The following TBC1D5 variants were observed in gnomAD, a reference collection of about 807,000 sequenced individuals.
TBC1D5 encodes the protein TBC1 domain family member 5.
A neutral mutation model predicts 100.3 loss-of-function variants in TBC1D5; 75 were observed. The ratio of observed to expected loss-of-function variants is 0.75; its 90% CI spans 0.62 to 0.91. The LOEUF is 0.91. Ranked by LOEUF, TBC1D5 falls within the 40% of genes least tolerant of loss-of-function variation. TBC1D5 has a pLI of 0.00. For synonymous variants in TBC1D5, 323 were observed against 325.6 expected (o/e 0.99, Z 0.09); for missense variants, 910 against 942.4 (o/e 0.97, Z 0.45).
At chr3:17,586,648 AAAC>A (rs1332413870) in intron 2 of TBC1D5, 5 of 152,280 alleles carry the variant, frequency 3.3e-5, no homozygotes, top group African/African-American at 1.2e-4. Context: ...ATATCATATC[AAAC>A]AATACAAAAA....
intron 1 of TBC1D5, among the ~76,000 whole-genome samples, chr3:17,727,770 C>G (rs1452202045): frequency 6.6e-6 from 1 of 152,088 alleles, no homozygotes; most frequent in Admixed American, 6.6e-5. Flanking sequence ...TGTTCCAGAG[C>G]ACAGAGAAAG....
At chr3:17,640,818 T>C (rs1268012195) in intron 1 of TBC1D5, among the ~76,000 whole-genome samples, 1 of 152,162 alleles carries the variant, frequency 6.6e-6, no homozygotes, top group Non-Finnish European at 1.5e-5. Flanking sequence ...TGGAGTTTCA[T>C]TATTTCTATA....
chr3:17,357,144 G>C (rs939025553), intron 13 of TBC1D5, among the ~76,000 whole-genome samples: 1 of 152,088 alleles, frequency 6.6e-6, no homozygotes, highest in African/African-American at 2.4e-5. Context: ...TCAGAGGTGC[G>C]GATGCAGTAA....
At chr3:17,291,870 T>C (rs1015729428) in intron 15 of TBC1D5, 25 bp downstream of exon 15, 7 of 1,593,248 alleles carry the variant, frequency 4.4e-6, no homozygotes, top group African/African-American at 1.4e-5. Flanking sequence ...CTTAAAATTA[T>C]GCATACCCTA....
At chr3:17,227,459 A>G (rs1001409540) in intron 17 of TBC1D5, among the ~76,000 whole-genome samples, 2 of 152,180 alleles carry the variant, frequency 1.3e-5, no homozygotes, top group African/African-American at 4.8e-5. Flanking sequence ...GGGAGGATCA[A>G]TTATCAAATT....
At chr3:17,233,032 T>A (rs1365532186) in intron 17 of TBC1D5, among the ~76,000 whole-genome samples, 1 of 152,188 alleles carries the variant, frequency 6.6e-6, no homozygotes, top group African/African-American at 2.4e-5. Flanking sequence ...ACTTTAAGTA[T>A]TTATATGTTT....
intron 1 of TBC1D5, chr3:17,706,026 ACTTAC>A: frequency 6.5e-7 from 1 of 1,542,190 alleles, no homozygotes. Context: ...CCCAGCCTGG[ACTTAC>A]ACCATGTTCT....
chr3:17,477,001 C>CT (rs1391777605), intron 3 of TBC1D5, among the ~76,000 whole-genome samples: 1 of 150,190 alleles, frequency 6.7e-6, no homozygotes, highest in Non-Finnish European at 1.5e-5. Flanking sequence ...AAAGAGAAAA[C>CT]TTTTAACATT....
In TBC1D5 at chr3:17,672,163, C is replaced by T. The variant is rs2068014996; in HGVS notation, c.-100-48250G>A. ...ATAGATGTTTAAATATACTTTTAAACATATGACTTCTACCAAATACATGAT... is the reference window on the plus strand; with the variant it reads ...ATAGATGTTTAAATATACTTTTAAATATATGACTTCTACCAAATACATGAT... On this transcript the variant is annotated intron_variant, in intron 1 of 21. Coordinates refer to ENST00000253692, the Ensembl canonical transcript of TBC1D5. 1.3e-5 allele frequency among the ~76,000 whole-genome samples: 2 copies of T among 152,126 alleles called. 1 individual carries two copies. The highest frequency in any genetic ancestry group is 4.1e-4 in the South Asian group (2 of 4,830).
chr3:17,504,704 G>A (rs1424797834), intron 3 of TBC1D5, among the ~76,000 whole-genome samples: 1 of 152,144 alleles, frequency 6.6e-6, no homozygotes, highest in Non-Finnish European at 1.5e-5. Context: ...TCATCTCTAA[G>A]ATGACTCCAG....
chr3:17,342,242 T>C (rs2089092012), intron 13 of TBC1D5, among the ~76,000 whole-genome samples: 1 of 152,376 alleles, frequency 6.6e-6, no homozygotes, highest in Non-Finnish European at 1.5e-5. Flanking sequence ...AGTCATTTAA[T>C]ACTTGTCAGG....
chr3:17,406,595 G>A lies in TBC1D5; in HGVS notation c.168-69C>T, dbSNP rs188209580. The A allele has an allele frequency of 9.8e-4, 1,397 of 1,422,926 alleles. 8 individuals carry two copies. The African/African-American group carries it at 0.016, about 16-fold the overall frequency. 88.1% of individuals were successfully genotyped at this position (1,422,926 alleles called of 1,614,324 possible). ...TCCTCTGCTTGGAGAGAAGTTCTAC[G>A]GGAAATTAATTTTAAGTAAGTCTAA... On this transcript the variant is annotated intron_variant, in intron 4 of 21. Transcript: ENST00000253692.
At chr3:17,446,440 A>G (rs1055968224) in intron 3 of TBC1D5, among the ~76,000 whole-genome samples, 1 of 152,112 alleles carries the variant, frequency 6.6e-6, no homozygotes, top group Admixed American at 6.5e-5. Context: ...AACTACATAC[A>G]TATTGACACC....
At chr3:17,730,906 A>G (rs1013658154) in intron 1 of TBC1D5, among the ~76,000 whole-genome samples, 1 of 152,152 alleles carries the variant, frequency 6.6e-6, no homozygotes, top group African/African-American at 2.4e-5. Context: ...AAAGGTAATT[A>G]TAATTCACAA....
At chr3:17,252,902 A>G (rs747766557) in intron 16 of TBC1D5, among the ~76,000 whole-genome samples, 2 of 152,242 alleles carry the variant, frequency 1.3e-5, no homozygotes, top group Admixed American at 6.5e-5. Context: ...GTTCACTTCA[A>G]TTGTGGAGTA....
chr3:17,742,284 C>A (rs907245420), upstream of TBC1D5, among the ~76,000 whole-genome samples: 5 of 152,302 alleles, frequency 3.3e-5, no homozygotes, highest in African/African-American at 1.2e-4. Flanking sequence ...GCCGTGGCGG[C>A]GGCACCCTCA....
At chr3:17,349,629 T>C (rs185178197) in intron 13 of TBC1D5, among the ~76,000 whole-genome samples, 57 of 152,272 alleles carry the variant, frequency 3.7e-4, no homozygotes. Context: ...TTGGGGTTCC[T>C]AAAAATAAAT....
chr3:17,391,017 T>G (rs2152319596), intron 8 of TBC1D5, among the ~76,000 whole-genome samples: 1 of 152,166 alleles, frequency 6.6e-6, no homozygotes, highest in South Asian at 2.1e-4. Flanking sequence ...GGAAATTATG[T>G]GGGACCAGGA....
At position 17,189,214 on chromosome 3, in the gene TBC1D5, CAAGTT is replaced by C. The variant is rs1278745996; in HGVS notation, c.1753-4011_1753-4007del. Among the ~76,000 whole-genome samples, 7 of 152,222 alleles carry C rather than the reference CAAGTT, an allele frequency of 4.6e-5. No individual in the cohort carries two copies. The East Asian group carries it at 1.2e-3, about 25-fold the overall frequency. Reference sequence around the variant, plus strand: ...TTCTTTAAAAAAATTTTTTTATAATCAAGTTAAGACAGTGAAATGGATTTAAATAC... The same window carrying C: ...TTCTTTAAAAAAATTTTTTTATAATCAAGACAGTGAAATGGATTTAAATAC... On this transcript the variant is annotated intron_variant, in intron 18 of 21. Transcript: ENST00000253692.
Sources: gnomAD v4.1 joint callset for allele counts (sites outside exome capture counted in the v4.1 genomes callset) on GRCh38, gnomAD v4.1.1 for gene constraint, MANE v1.5 for transcripts, NCBI Gene and HGNC (gene_info 2026-07-23, HGNC 2026-07-21) for gene names.